GFM2: variants seen among roughly 807,000 people sequenced by gnomAD.
The protein encoded by GFM2 is GTP dependent ribosome recycling factor mitochondrial 2, also known as ribosome-releasing factor 2, mitochondrial.
In GFM2, 72 loss-of-function variants were observed where a neutral mutation model predicts 95.4. The observed-to-expected ratio is 0.76, with a 90% CI of 0.62 to 0.92. GFM2 has a LOEUF of 0.92. Ranked by LOEUF, GFM2 falls within the 40% of genes least tolerant of loss-of-function variation. The probability of loss-of-function intolerance (pLI) is 0.00; values close to 1 mark genes in which losing one functional copy is unlikely to be tolerated. For synonymous variants in GFM2, 276 were observed against 317.5 expected, an observed-to-expected ratio of 0.87 and a Z score of 1.39; for missense variants, 825 against 924.1, an observed-to-expected ratio of 0.89 and a Z score of 1.39.
chr5:74,738,134 G>A (rs763966045), intron 14 of GFM2, among the ~76,000 whole-genome samples, 184 bp downstream of exon 14: 30 of 152,000 alleles, frequency 2.0e-4, no homozygotes, highest in Non-Finnish European at 2.4e-4. Context: ...GTGGTCTTCC[G>A]TAATCTACTT....
Position 74,732,827 on chromosome 5 carries a change from T to G in GFM2, c.1587+195A>C, listed in dbSNP as rs370310412. Among the ~76,000 whole-genome samples the G allele has an allele frequency of 4.6e-5, 7 of 152,166 alleles. No homozygotes were observed. In the South Asian group the frequency reaches 1.0e-3, roughly 23 times the overall value. On this transcript the variant is annotated intron_variant, in intron 16 of 20. Transcript: ENST00000296805. Reference sequence around the variant, plus strand: ...GAAGTGTAATTATATAAGGAAAATTTGCTTATTTAGCTTGATAGTCAACAT... The same window carrying G: ...GAAGTGTAATTATATAAGGAAAATTGGCTTATTTAGCTTGATAGTCAACAT...
At chr5:74,728,608 A>G (rs1185721395) in intron 17 of GFM2, among the ~76,000 whole-genome samples, 2 of 152,140 alleles carry the variant, frequency 1.3e-5, no homozygotes, top group South Asian at 2.1e-4. Context: ...TATATTCTAC[A>G]TCTCATAATT....
chr5:74,743,897 G>A (rs1340033844), intron 10 of GFM2, among the ~76,000 whole-genome samples: 1 of 152,178 alleles, frequency 6.6e-6, no homozygotes, highest in Non-Finnish European at 1.5e-5. Context: ...ACAATATAAG[G>A]TTCTTGTGAG....
intron 17 of GFM2, among the ~76,000 whole-genome samples, chr5:74,728,770 T>TTTTTTTTTTTTGAGA (rs756604027): frequency 3.5e-5 from 4 of 113,792 alleles, no homozygotes; most frequent in Admixed American, 8.7e-5. Flanking sequence ...TTTTTTTTTT[T>TTTTTTTTTTTTGAGA]TTTTGAGATG....
intron 3 of GFM2, among the ~76,000 whole-genome samples, chr5:74,759,692 C>T (rs1363364448): frequency 6.6e-6 from 1 of 152,104 alleles, no homozygotes; most frequent in Admixed American, 6.5e-5. Flanking sequence ...CCAATCTCTG[C>T]CACCTACTTC....
At position 74,721,241 on chromosome 5, in the gene GFM2, AATAAGAT is replaced by A; in HGVS notation, c.*407_*413del. 1 of 1,236,692 alleles carries A rather than the reference AATAAGAT, an allele frequency of 8.1e-7. No individual in the cohort carries two copies. Among genetic ancestry groups the A allele is most frequent in the Non-Finnish European group, 1.2e-6 (1 of 837,870 alleles). 76.6% of individuals were successfully genotyped at this position (1,236,692 alleles called of 1,614,324 possible). On this transcript the variant is annotated 3_prime_UTR_variant, in exon 21 of 21. Transcript: ENST00000296805. ...TCAACTTTATTTTGAAATCATGTAA[AATAAGAT>A]ATTAGACTGTTTTTTGAATAAAATA...
Position 74,721,407 on chromosome 5 carries a change from A to C in GFM2, c.*248T>G. 2.8e-6 allele frequency: 2 copies of C among 715,310 alleles called. No individual in the cohort carries two copies. The highest frequency in any genetic ancestry group is 5.1e-6 in the Non-Finnish European group (2 of 394,982). 44.3% of individuals were successfully genotyped at this position (715,310 alleles called of 1,614,324 possible). A position where few individuals can be genotyped will look rare whatever the true frequency, so the allele number is the denominator to read the frequency against. On this transcript the variant is annotated 3_prime_UTR_variant, in exon 21 of 21. Transcript: ENST00000296805. ...ACTCTTCTGAAGGCTACTTATAGTA[A>C]TAACTTCATAGATGAACAGCATGAT... is the stretch of plus-strand genomic sequence containing the variant.
intron 9 of GFM2, 74 bp downstream of exon 9, chr5:74,746,031 T>G (rs929397104): frequency 8.6e-7 from 1 of 1,168,560 alleles, no homozygotes; most frequent in African/African-American, 1.5e-5. Flanking sequence ...GAGATAGCTT[T>G]GGAAATGTAT....
chr5:74,762,106 TA>T (rs1744312783), intron 2 of GFM2, among the ~76,000 whole-genome samples: 1 of 152,090 alleles, frequency 6.6e-6, no homozygotes, highest in African/African-American at 2.4e-5. Context: ...AATACAGAAA[TA>T]TATCTTCTTC....
intron 19 of GFM2, among the ~76,000 whole-genome samples, chr5:74,724,294 T>C (rs1750048759): frequency 6.6e-6 from 1 of 152,068 alleles, no homozygotes; most frequent in South Asian, 2.1e-4. Context: ...ATTTTTCAGA[T>C]TACCTTAGTT....
At chr5:74,759,103 T>C (rs112800151) in intron 4 of GFM2, among the ~76,000 whole-genome samples, 157 bp from the exon 5 acceptor site, 3 of 152,314 alleles carry the variant, frequency 2.0e-5, no homozygotes, top group Non-Finnish European at 4.4e-5. Flanking sequence ...ATTACTCTGA[T>C]AAGATAGCTA....
intron 1 of GFM2, among the ~76,000 whole-genome samples, 194 bp from the exon 2 acceptor site, chr5:74,763,960 T>C (rs988898119): frequency 6.6e-6 from 1 of 152,256 alleles, no homozygotes; most frequent in Middle Eastern, 3.4e-3. Flanking sequence ...ATGAGAAATA[T>C]GGTTTTTAGG....
rs1742855007 is a variant in GFM2 at position 74,736,810 on chromosome 5, A to G, written c.1496T>C (p.Leu499Pro). ...ACCATTTATACCTGGCTGCTTAGAC[A>G]GTGATGGGGGTTCTATGGTACAGAA... ...VFFCTIEPPS[L>P]SKQPDLEHAL... Residue 499 changes from leucine to proline, a missense_variant, in exon 15 of 21, where the codon CTG (leucine) becomes CCG (proline). Coordinates refer to ENST00000296805, the MANE Select transcript of GFM2 (RefSeq NM_032380.5). The G allele has an allele frequency of 6.2e-7, 1 of 1,613,916 alleles. No homozygotes were observed. Among genetic ancestry groups the G allele is most frequent in the Non-Finnish European group, 8.5e-7 (1 of 1,179,818 alleles).
rs183986873 is a variant in GFM2 at position 74,730,551 on chromosome 5, T to C, written c.1588-153A>G. On this transcript the variant is annotated intron_variant, in intron 16 of 20. Coordinates refer to ENST00000296805, the MANE Select transcript of GFM2 (RefSeq NM_032380.5). ...GGCCCGGGGCTTTTACATCAAAACA[T>C]TGCTTTTGACTTTTCTGACTGGAAT... 929 of 475,876 alleles carry C rather than the reference T, an allele frequency of 2.0e-3. 10 individuals carry two copies. Among genetic ancestry groups the C allele is most frequent in the African/African-American group, 0.017 (852 of 50,070 alleles). The allele number at this position is 475,876 out of a possible 1,614,324, so 29.5% of individuals were successfully genotyped here.
At chr5:74,728,579 T>G (rs1228105906) in intron 17 of GFM2, among the ~76,000 whole-genome samples, 3 of 152,074 alleles carry the variant, frequency 2.0e-5, no homozygotes, top group Non-Finnish European at 4.4e-5. Flanking sequence ...CCTCTCTTAT[T>G]TCTTCAAAGA....
intron 8 of GFM2, among the ~76,000 whole-genome samples, chr5:74,747,191 C>T (rs761327524): frequency 6.6e-6 from 1 of 152,216 alleles, no homozygotes; most frequent in African/African-American, 2.4e-5. Context: ...AGCATTAACT[C>T]TCTTCTGCCC....
intron 1 of GFM2, 116 bp from the exon 2 acceptor site, chr5:74,763,882 T>C (rs1360675138): frequency 3.7e-6 from 2 of 545,284 alleles, no homozygotes; most frequent in African/African-American, 1.9e-5. Context: ...TTTTAAAAAG[T>C]TGGAACAATA....
chr5:74,747,269 T>C (rs1205963958), intron 8 of GFM2, among the ~76,000 whole-genome samples: 1 of 152,190 alleles, frequency 6.6e-6, no homozygotes, highest in Non-Finnish European at 1.5e-5. Context: ...TCTTACCCAG[T>C]AGCTAAGAAA....
rs746698267 is a variant in GFM2, at chr5:74,726,018, G to C, written c.1835C>G (p.Ala612Gly). The change falls in exon 18 of 21, where the codon GCT becomes GGT. Residue 612 changes from alanine (A) to glycine (G), a missense_variant. Ala to Gly is a moderately conservative substitution (Grantham distance 60). Coordinates refer to ENST00000296805, the MANE Select transcript of GFM2 (RefSeq NM_032380.5). ...CAAAAGGCCTTCATTGATACTTTCA[G>C]CATACTCAAACTCAATCACAGGCAT... Reference protein sequence around the residue: ...SVMPVIEFEYAESINEGLLKV... With the variant: ...SVMPVIEFEYGESINEGLLKV... 4 of 1,582,080 alleles carry C rather than the reference G, an allele frequency of 2.5e-6. No homozygotes were observed. In the African/African-American group the frequency reaches 7.3e-5, roughly 29 times the overall value.
Sources: gnomAD v4.1 joint callset for allele counts (sites outside exome capture counted in the v4.1 genomes callset) on GRCh38, gnomAD v4.1.1 for gene constraint, MANE v1.5 for transcripts, NCBI Gene and HGNC (gene_info 2026-07-23, HGNC 2026-07-21) for gene names.